Variants in INTS4 observed in about 807,000 individuals in gnomAD.
The protein encoded by INTS4 is integrator complex subunit 4, also known as MSTP093.
INTS4 carries 70 observed loss-of-function variants against 119.5 expected under a neutral mutation model. That is an observed-to-expected ratio of 0.59 (90% CI 0.48 to 0.71). The LOEUF is 0.71. Ranked by LOEUF, INTS4 falls within the 30% of genes least tolerant of loss-of-function variation. INTS4 has a pLI of 0.00. For missense variants in INTS4, 867 were observed against 1,173.2 expected (o/e 0.74, Z 3.81); for synonymous variants, 316 against 419.6 (o/e 0.75, Z 3.02).
At chr11:77,922,294 C>A in intron 13 of INTS4, 62 bp downstream of exon 13, 3 of 1,543,728 alleles carry the variant, frequency 1.9e-6, no homozygotes, top group Non-Finnish European at 2.6e-6. Context: ...AGCTATACTG[C>A]AGAAGGAGAT....
intron 11 of INTS4, among the ~76,000 whole-genome samples, chr11:77,925,299 T>C (rs1185125204): frequency 1.3e-5 from 2 of 152,136 alleles, no homozygotes; most frequent in Non-Finnish European, 2.9e-5. Context: ...CCCAAAACAA[T>C]TACAACAGTA....
chr11:77,883,192 A>C (rs1951860791), intron 22 of INTS4, among the ~76,000 whole-genome samples: 1 of 152,154 alleles, frequency 6.6e-6, no homozygotes, highest in Admixed American at 6.5e-5. Context: ...GGTGGCATTA[A>C]ACACCTCCAG....
chr11:77,988,251 T>C (rs1311420150), intron 2 of INTS4, among the ~76,000 whole-genome samples: 2 of 152,162 alleles, frequency 1.3e-5, no homozygotes, highest in South Asian at 2.1e-4. Flanking sequence ...TGGCAAACAA[T>C]TGCAACGCAT....
At chr11:77,885,650 C>G (rs1011166086) in intron 21 of INTS4, among the ~76,000 whole-genome samples, 1 of 151,906 alleles carries the variant, frequency 6.6e-6, no homozygotes, top group African/African-American at 2.4e-5. Flanking sequence ...GAAACCCCTT[C>G]TCTACTAAAA....
intron 8 of INTS4, among the ~76,000 whole-genome samples, chr11:77,947,717 T>C (rs1466787439): frequency 6.6e-6 from 1 of 152,016 alleles, no homozygotes; most frequent in African/African-American, 2.4e-5. Context: ...AAGGAACACA[T>C]AACAGATGAA....
intron 14 of INTS4, among the ~76,000 whole-genome samples, chr11:77,919,276 C>T (rs1953281116): frequency 7.0e-6 from 1 of 141,870 alleles, no homozygotes; most frequent in African/African-American, 2.7e-5. Context: ...AGGAAGGAGA[C>T]TAAAAATTGA....
intron 22 of INTS4, among the ~76,000 whole-genome samples, chr11:77,880,944 C>T (rs929939136): frequency 2.6e-5 from 4 of 151,574 alleles, no homozygotes; most frequent in Non-Finnish European, 4.4e-5. Flanking sequence ...AACAAACAAA[C>T]AAAAAAACAA....
At chr11:77,950,497 G>A (rs886141900) in intron 8 of INTS4, among the ~76,000 whole-genome samples, 5 of 151,974 alleles carry the variant, frequency 3.3e-5, no homozygotes, top group African/African-American at 1.2e-4. Context: ...AATAAATTCT[G>A]GTGTTCAACT....
intron 8 of INTS4, among the ~76,000 whole-genome samples, chr11:77,948,171 A>G (rs1954093774): frequency 6.9e-6 from 1 of 145,774 alleles, no homozygotes; most frequent in South Asian, 2.2e-4. Flanking sequence ...TGTAGTAACT[A>G]TGTAGAAAAA....
At chr11:77,945,367 A>G (rs1178694491) in intron 8 of INTS4, among the ~76,000 whole-genome samples, 1 of 152,126 alleles carries the variant, frequency 6.6e-6, no homozygotes, top group Admixed American at 6.5e-5. Flanking sequence ...CTGCTGTAGC[A>G]TGGCACCAAG....
Position 77,879,076 on chromosome 11 carries a change from C to T in INTS4, c.2765G>A (p.Arg922His), listed in dbSNP as rs763501825. Residue 922 changes from arginine to histidine, a missense_variant, in exon 23 of 23, where the codon CGC becomes CAC. Transcript: ENST00000534064. The stretch of plus-strand genomic sequence containing the variant: ...CTCCATCCAGGGGCATTTTGGAATG[C>T]GAGCACTGGAGTTGTAGGCCAGCAG... ...RLLLAYNSSA[R>H]IPKCPWMEGG... The T allele has an allele frequency of 5.0e-6, 8 of 1,614,076 alleles. No individual in the cohort carries two copies. Among genetic ancestry groups the T allele is most frequent in the South Asian group, 3.3e-5 (3 of 91,080 alleles).
intron 21 of INTS4, among the ~76,000 whole-genome samples, chr11:77,890,596 C>T (rs1288694860): frequency 6.6e-6 from 1 of 152,068 alleles, no homozygotes; most frequent in African/African-American, 2.4e-5. Flanking sequence ...GTCTACTCAC[C>T]AAACCCTGTT....
intron 11 of INTS4, among the ~76,000 whole-genome samples, chr11:77,927,396 C>T (rs537489394): frequency 0.029 from 4,383 of 152,212 alleles, 192 homozygotes; most frequent in African/African-American, 0.1. Context: ...CTTTAAAGTA[C>T]GCAGTAGAAA....
At position 77,981,568 on chromosome 11, in the gene INTS4, A is replaced by C. The variant is rs370364248; in HGVS notation, c.255T>G (p.Asp85Glu). The C allele has an allele frequency of 9.0e-6, 14 of 1,548,524 alleles. No individual in the cohort carries two copies. The highest frequency in any genetic ancestry group is 1.1e-5 in the Non-Finnish European group (13 of 1,139,806). ...ILLEHYYKEN[D>E]PSVRLKIASL... ...ATGCAATTTTCAGTCTCACAGATGG[A>C]TCATTCTCCTGGAAAAAAAGAAGCA... Residue 85 changes from aspartate to glutamate, a missense_variant, in exon 3 of 23, where the codon GAT becomes GAG. This residue lies in a region of INTS4 where 224 missense variants were observed against 231.8 expected (regional missense o/e 0.97). Transcript: ENST00000534064.
chr11:77,951,054 C>T (rs1157030884), intron 8 of INTS4, among the ~76,000 whole-genome samples: 1 of 152,030 alleles, frequency 6.6e-6, no homozygotes, highest in Non-Finnish European at 1.5e-5. Flanking sequence ...GACATGAACT[C>T]ATCATTTTTT....
chr11:77,878,255 A>T (rs746236465), downstream of INTS4, among the ~76,000 whole-genome samples: 7 of 152,068 alleles, frequency 4.6e-5, no homozygotes, highest in South Asian at 2.1e-4. Flanking sequence ...CCACCTACTC[A>T]GGAGGCTGAG....
chr11:77,940,416 G>A (rs1488880534), intron 9 of INTS4, among the ~76,000 whole-genome samples: 2 of 152,096 alleles, frequency 1.3e-5, no homozygotes, highest in East Asian at 3.8e-4. Context: ...GGGCAATAGA[G>A]TGAGACCCTG....
At chr11:77,967,663 T>C (rs902216973) in intron 4 of INTS4, among the ~76,000 whole-genome samples, 1 of 152,108 alleles carries the variant, frequency 6.6e-6, no homozygotes, top group African/African-American at 2.4e-5. Context: ...ATGTTATACA[T>C]TATGAGGGAC....
Position 77,938,653 on chromosome 11 carries a change from T to C in INTS4, c.1163A>G (p.Tyr388Cys), listed in dbSNP as rs775505708. The C allele has an allele frequency of 1.9e-6, 3 of 1,610,782 alleles. No homozygotes were observed. The highest frequency in any genetic ancestry group is 8.5e-7 in the Non-Finnish European group (1 of 1,179,168). The stretch of plus-strand genomic sequence containing the variant: ...TGCTATTATACAGTCATACTTACCA[T>C]ACATCTCATCTTCCAACCCATGAAC... Reference protein sequence around the residue: ...AFVHGLEDEMYEVRIAAVEAL... With the variant: ...AFVHGLEDEMCEVRIAAVEAL... Residue 388 changes from tyrosine (Y) to cysteine (C), a missense_variant and splice_region_variant, in exon 10 of 23, where the codon TAT becomes TGT. Around this residue, in one of 5 missense-constraint regions of INTS4, gnomAD observed 208 missense variants for 306.6 expected, o/e 0.68. Transcript: ENST00000534064.
Sources: gnomAD v4.1 joint callset for allele counts (sites outside exome capture counted in the v4.1 genomes callset) on GRCh38, gnomAD v4.1.1 for gene constraint, gnomAD v4.1.1 regional missense constraint, MANE v1.5 for transcripts, NCBI Gene and HGNC (gene_info 2026-07-23, HGNC 2026-07-21) for gene names.